The following ANK3 variants were observed in gnomAD, a reference collection of about 807,000 sequenced individuals.
ANK3 encodes the protein ankyrin 3.
A neutral mutation model predicts 370.9 loss-of-function variants in ANK3; 57 were observed. The ratio of observed to expected loss-of-function variants is 0.15; its 90% confidence interval spans 0.12 to 0.19. The LOEUF is 0.19. ANK3 is among the 10% of genes least tolerant of loss of function. ANK3 has a pLI of 1.00. For missense variants in ANK3, 4,439 were observed against 5,302.1 expected (o/e 0.84, Z 5.06); for synonymous variants, 1,929 against 1,946.3 (o/e 0.99, Z 0.23).
chr10:60,341,730 T>C (rs2054326825), intron 1 of ANK3, among the ~76,000 whole-genome samples: 1 of 152,126 alleles, frequency 6.6e-6, no homozygotes, highest in Admixed American at 6.6e-5. Flanking sequence ...CAGCACTGAG[T>C]GATTGGTTTT....
rs570424738 is a variant in ANK3 at position 60,032,262 on chromosome 10, A to AATGGC, written c.*20-2441_*20-2437dup. On this transcript the variant is annotated intron_variant, in intron 43 of 43. Coordinates refer to ENST00000280772, the MANE Select transcript of ANK3 (RefSeq NM_020987.5). ...TGTCGCCCAGGCTGGAATGGAATGG[A>AATGGC]ATGGCATGATCACGGCTAACTGCAA... 1.1e-3 allele frequency among the ~76,000 whole-genome samples: 145 copies of AATGGC among 127,012 alleles called. 1 individual carries two copies. Among genetic ancestry groups the AATGGC allele is most frequent in the South Asian group, 2.6e-3 (10 of 3,808 alleles). The allele number at this position is 127,012 out of a possible 152,430, so 83.3% of individuals were successfully genotyped here.
chr10:60,453,728 G>GCA (rs932774437), intron 2 of ANK3, among the ~76,000 whole-genome samples: 4 of 151,562 alleles, frequency 2.6e-5, no homozygotes, highest in South Asian at 4.2e-4. Flanking sequence ...AAACACACAG[G>GCA]CACACACACA....
chr10:60,513,711 T>C (rs1158129709), intron 2 of ANK3, among the ~76,000 whole-genome samples: 2 of 152,118 alleles, frequency 1.3e-5, no homozygotes, highest in East Asian at 3.9e-4. Flanking sequence ...TTTTAATATC[T>C]TTTAAAGTAA....
rs539818308 is a variant in ANK3 at position 60,046,086 on chromosome 10, T to G, written c.13066-3327A>C. ...TGTTTAGTGCATCTCCAATCTTGCT[T>G]ATGACAAGTTTGAATCAGCGCAGTG... is the stretch of plus-strand genomic sequence containing the variant. On this transcript the variant is annotated intron_variant, in intron 42 of 43. Transcript: ENST00000280772. Among the ~76,000 whole-genome samples, 15 of 152,278 alleles carry G rather than the reference T, an allele frequency of 9.9e-5. No individual in the cohort carries two copies. In the South Asian group the frequency reaches 2.9e-3, roughly 29 times the overall value.
At chr10:60,533,307 T>C (rs1244258754) in intron 2 of ANK3, among the ~76,000 whole-genome samples, 2 of 152,112 alleles carry the variant, frequency 1.3e-5, no homozygotes, top group African/African-American at 2.4e-5. Context: ...AATCCCATCA[T>C]GTTTGGATCA....
At chr10:60,661,260 A>C (rs1404480994) in intron 1 of ANK3, among the ~76,000 whole-genome samples, 2 of 152,080 alleles carry the variant, frequency 1.3e-5, no homozygotes, top group African/African-American at 2.4e-5. Flanking sequence ...ATATAAGCAA[A>C]TATTACAAAA....
rs11812804 is a variant in ANK3 at position 60,120,706 on chromosome 10, G to A, written c.2842-6375C>T. On this transcript the variant is annotated intron_variant, in intron 25 of 43. Coordinates refer to ENST00000280772, the MANE Select transcript of ANK3 (RefSeq NM_020987.5). ...AAAGAAGACATACAAATGGCAAACC[G>A]GTATGTGAAAAAGTCCTCAACATCA... 8.5e-3 allele frequency among the ~76,000 whole-genome samples: 1,290 copies of A among 152,172 alleles called. 16 individuals are homozygous for A. The highest frequency in any genetic ancestry group is 0.029 in the African/African-American group (1,224 of 41,518).
intron 2 of ANK3, among the ~76,000 whole-genome samples, chr10:60,534,183 A>G (rs1173972144): frequency 6.6e-6 from 1 of 152,152 alleles, no homozygotes; most frequent in Non-Finnish European, 1.5e-5. Context: ...GGTTCCCCAA[A>G]TTCACGGATC....
chr10:60,579,579 T>C (rs1022924799), intron 2 of ANK3, among the ~76,000 whole-genome samples: 5 of 152,092 alleles, frequency 3.3e-5, no homozygotes, highest in Admixed American at 6.5e-5. Context: ...GACCAGGTTC[T>C]AGCCAATGAT....
chr10:60,199,059 C>T (rs894338196), intron 13 of ANK3, among the ~76,000 whole-genome samples: 1 of 152,118 alleles, frequency 6.6e-6, no homozygotes, highest in Non-Finnish European at 1.5e-5. Flanking sequence ...ATGCCCTCTG[C>T]TTGCCAGGCT....
intron 25 of ANK3, among the ~76,000 whole-genome samples, chr10:60,124,236 A>T (rs778819532): frequency 3.9e-5 from 6 of 152,124 alleles, no homozygotes; most frequent in Non-Finnish European, 8.8e-5. Context: ...GTGCTGGCTC[A>T]CTGAAACCTC....
At chr10:60,579,326 TAAAAA>T (rs763281984) in intron 2 of ANK3, among the ~76,000 whole-genome samples, 104 of 69,028 alleles carry the variant, frequency 1.5e-3, no homozygotes, top group African/African-American at 5.8e-3. Flanking sequence ...TCTCTCTCAA[TAAAAA>T]AAAAAAAAAA....
intron 1 of ANK3, among the ~76,000 whole-genome samples, chr10:60,306,099 T>C (rs2045005724): frequency 6.6e-6 from 1 of 152,128 alleles, no homozygotes. Flanking sequence ...AGGTGGTTTT[T>C]GGTTACATTG....
At chr10:60,566,788 T>C (rs956270098) in intron 2 of ANK3, among the ~76,000 whole-genome samples, 2 of 152,142 alleles carry the variant, frequency 1.3e-5, no homozygotes, top group African/African-American at 4.8e-5. Context: ...AAGTGGAGGA[T>C]TGCTGGAACC....
chr10:60,346,746 T>C (rs2132678148), intron 1 of ANK3, among the ~76,000 whole-genome samples: 1 of 152,246 alleles, frequency 6.6e-6, no homozygotes, highest in Admixed American at 6.5e-5. Flanking sequence ...GAGTAAGCTA[T>C]GCCTCATGTC....
intron 1 of ANK3, among the ~76,000 whole-genome samples, chr10:60,652,448 G>A (rs1434478653): frequency 6.6e-6 from 1 of 151,804 alleles, no homozygotes; most frequent in African/African-American, 2.4e-5. Context: ...TTAAAAGAAG[G>A]AGAGATAAAG....
chr10:60,032,300 G>A (rs776317157), intron 43 of ANK3, among the ~76,000 whole-genome samples: 6 of 140,318 alleles, frequency 4.3e-5, no homozygotes, highest in East Asian at 2.3e-4. Flanking sequence ...TCCGCCTCCC[G>A]GGTTCAAGCA....
intron 1 of ANK3, among the ~76,000 whole-genome samples, chr10:60,687,204 T>G (rs753313424): frequency 6.6e-6 from 1 of 152,170 alleles, no homozygotes; most frequent in African/African-American, 2.4e-5. Context: ...AACACACAAC[T>G]GTATATATCG....
chr10:60,336,090 C>CCG (rs537711980), intron 1 of ANK3, among the ~76,000 whole-genome samples: 3 of 148,694 alleles, frequency 2.0e-5, no homozygotes, highest in African/African-American at 7.6e-5. Flanking sequence ...CATAGTTTGG[C>CCG]GGGGGGGGGA....
Sources: gnomAD v4.1 joint callset for allele counts (sites outside exome capture counted in the v4.1 genomes callset) on GRCh38, gnomAD v4.1.1 for gene constraint, MANE v1.5 for transcripts, NCBI Gene and HGNC (gene_info 2026-07-23, HGNC 2026-07-21) for gene names.